The following RGPD2 variants were observed in gnomAD, a reference collection of about 807,000 sequenced individuals.
RGPD2 encodes the protein RANBP2 like and GRIP domain containing 2.
In RGPD2, 2 loss-of-function variants were observed where a neutral mutation model predicts 36.0. The observed-to-expected ratio is 0.06, with a 90% CI of 0.02 to 0.17. RGPD2 has a LOEUF of 0.17. Among genes scored for constraint, RGPD2 ranks in the 10% least tolerant of loss-of-function variants. The pLI is 1.00. For missense variants in RGPD2, 40 were observed against 464.3 expected (o/e 0.09, Z 8.40); for synonymous variants, 19 against 163.8 (o/e 0.12, Z 6.75).
chr2:87,916,662 G>T, the RGPD2 span, among the ~76,000 whole-genome samples: 1 of 151,646 alleles, frequency 6.6e-6, no homozygotes, highest in South Asian at 2.1e-4. Flanking sequence ...TCTTTCTCCT[G>T]CTCCAGTCAC....
At chr2:87,957,842 T>A in the RGPD2 span, among the ~76,000 whole-genome samples, 1 of 152,308 alleles carries the variant, frequency 6.6e-6, no homozygotes, top group Admixed American at 6.5e-5. Flanking sequence ...GCTTTGCACA[T>A]CATTGCTTCA....
chr2:87,975,112 G>A, the RGPD2 span, among the ~76,000 whole-genome samples: 1 of 152,048 alleles, frequency 6.6e-6, no homozygotes, highest in Non-Finnish European at 1.5e-5. Flanking sequence ...GCTCATTCCT[G>A]GTCCAGGCTT....
At chr2:87,897,838 G>A in the RGPD2 span, among the ~76,000 whole-genome samples, 1 of 151,806 alleles carries the variant, frequency 6.6e-6, no homozygotes, top group Non-Finnish European at 1.5e-5. Context: ...CCAACACTGA[G>A]AATTATGCAA....
At chr2:87,913,638 T>C in the RGPD2 span, among the ~76,000 whole-genome samples, 1 of 151,510 alleles carries the variant, frequency 6.6e-6, no homozygotes, top group African/African-American at 2.4e-5. Context: ...TAAGGTTGAG[T>C]TTCAGCCTAG....
the RGPD2 span, among the ~76,000 whole-genome samples, chr2:87,972,134 G>A: frequency 2.0e-5 from 3 of 152,184 alleles, no homozygotes; most frequent in Non-Finnish European, 2.9e-5. Flanking sequence ...ATATGGAGGT[G>A]AGTAGTTTGG....
the RGPD2 span, among the ~76,000 whole-genome samples, chr2:87,933,746 G>A: frequency 2.7e-5 from 4 of 149,246 alleles, no homozygotes; most frequent in East Asian, 7.8e-4. Flanking sequence ...TGAAATTCTT[G>A]TAGTGTGTTT....
the RGPD2 span, among the ~76,000 whole-genome samples, chr2:87,960,904 T>G: frequency 1.1e-5 from 1 of 91,296 alleles, no homozygotes; most frequent in African/African-American, 4.5e-5. Flanking sequence ...TCTCCTTTCT[T>G]CTACCCATCT....
At chr2:87,952,136 A>G in the RGPD2 span, among the ~76,000 whole-genome samples, 4 of 152,414 alleles carry the variant, frequency 2.6e-5, no homozygotes, top group South Asian at 4.1e-4. Context: ...CTAATTAAAT[A>G]TAAGTTTAAA....
chr2:87,952,235 A>G, the RGPD2 span, among the ~76,000 whole-genome samples: 1 of 152,208 alleles, frequency 6.6e-6, no homozygotes, highest in African/African-American at 2.4e-5. Context: ...TACTATTTTT[A>G]ATTTTTTTTA....
chr2:87,842,311 A>C, the RGPD2 span, among the ~76,000 whole-genome samples: 14,385 of 123,890 alleles, frequency 0.12, 1,196 homozygotes, highest in African/African-American at 0.24. Flanking sequence ...CTAGAAAACC[A>C]CATCGTCTCA....
intron 20 of RGPD2, among the ~76,000 whole-genome samples, chr2:87,781,464 G>GTTTTTTTTTTT (rs879124297): frequency 1.8e-5 from 2 of 112,612 alleles, no homozygotes; most frequent in African/African-American, 3.4e-5. Context: ...TTGTTTTTTT[G>GTTTTTTTTTTT]TTTTTTTTTT....
the RGPD2 span, among the ~76,000 whole-genome samples, chr2:87,915,383 T>TA: frequency 8.3e-6 from 1 of 120,720 alleles, no homozygotes; most frequent in South Asian, 2.3e-4. Context: ...ATTATATATA[T>TA]TGTATATATA....
the RGPD2 span, among the ~76,000 whole-genome samples, chr2:87,940,310 T>A: frequency 6.6e-6 from 1 of 151,752 alleles, no homozygotes; most frequent in Non-Finnish European, 1.5e-5. Context: ...GAACTTAGCA[T>A]CCTCTATAAA....
chr2:87,983,148 C>G, the RGPD2 span, among the ~76,000 whole-genome samples: 1 of 151,066 alleles, frequency 6.6e-6, no homozygotes, highest in Admixed American at 6.6e-5. Context: ...GGCAAAACCC[C>G]GTCTCTACTA....
the RGPD2 span, among the ~76,000 whole-genome samples, chr2:87,916,622 A>T: frequency 6.7e-6 from 1 of 149,776 alleles, no homozygotes; most frequent in African/African-American, 2.5e-5. Flanking sequence ...CTGGTCATTT[A>T]AAAGTGTGTT....
the RGPD2 span, among the ~76,000 whole-genome samples, chr2:87,961,711 A>C: frequency 4.0e-4 from 55 of 136,244 alleles, 3 homozygotes; most frequent in Admixed American, 2.8e-3. Context: ...AAAAAAAAAA[A>C]AAAGCGCATT....
chr2:87,960,262 C>T, the RGPD2 span, among the ~76,000 whole-genome samples: 156 of 143,846 alleles, frequency 1.1e-3, no homozygotes, highest in African/African-American at 3.8e-3. Context: ...ATAAGATATA[C>T]AGATGTACCG....
chr2:87,863,765 CTG>C, the RGPD2 span, among the ~76,000 whole-genome samples: 4 of 151,768 alleles, frequency 2.6e-5, no homozygotes, highest in Non-Finnish European at 5.9e-5. Context: ...TTTATTTTCT[CTG>C]TTATTCTATA....
At chr2:87,877,931 C>T in the RGPD2 span, among the ~76,000 whole-genome samples, 8 of 151,614 alleles carry the variant, frequency 5.3e-5, no homozygotes, top group African/African-American at 1.9e-4. Context: ...TGTAGGTGAC[C>T]TGGACTTTCT....
Sources: gnomAD v4.1 joint callset for allele counts (sites outside exome capture counted in the v4.1 genomes callset) on GRCh38, gnomAD v4.1.1 for gene constraint, MANE v1.5 for transcripts, NCBI Gene and HGNC (gene_info 2026-07-23, HGNC 2026-07-21) for gene names.